The following EVC variants were observed in gnomAD, a reference collection of about 807,000 sequenced individuals.
The protein encoded by EVC is evC complex member EVC.
In EVC, 116 loss-of-function variants were observed where a neutral mutation model predicts 118.9. The ratio of observed to expected loss-of-function variants is 0.98; its 90% CI spans 0.84 to 1.14. The LOEUF is 1.14. Among genes scored for constraint, EVC ranks in the 50% most tolerant of loss-of-function variants. EVC has a pLI of 0.00. For synonymous variants in EVC, 619 were observed against 534.7 expected, an observed-to-expected ratio of 1.16 and a Z score of -2.18; for missense variants, 1,401 against 1,246.4, an observed-to-expected ratio of 1.12 and a Z score of -1.87.
chr4:5,794,344 TA>T (rs72062281), intron 13 of EVC, among the ~76,000 whole-genome samples: 37,083 of 124,472 alleles, frequency 0.3, 5,893 homozygotes, highest in South Asian at 0.54. Flanking sequence ...TTTATATACT[TA>T]TATATATATT....
intron 2 of EVC, among the ~76,000 whole-genome samples, chr4:5,725,418 G>A (rs184791262): frequency 1.1e-4 from 16 of 152,216 alleles, no homozygotes; most frequent in African/African-American, 3.9e-4. Context: ...TCACCATTCT[G>A]ACTGGCATGA....
intron 1 of EVC, among the ~76,000 whole-genome samples, chr4:5,718,701 G>T (rs1724400306): frequency 6.6e-6 from 1 of 152,048 alleles, no homozygotes; most frequent in Admixed American, 6.6e-5. Flanking sequence ...TGGTTTGGGG[G>T]TTCTAAATAA....
At chr4:5,826,123 TACAC>T in the EVC span, 157 of 189,954 alleles carry the variant, frequency 8.3e-4, 1 homozygote, top group African/African-American at 3.4e-3. Flanking sequence ...TATATACACT[TACAC>T]ACACGCATAC....
chr4:5,820,858 T>TAAGTA, the EVC span: 1 of 152,214 alleles, frequency 6.6e-6, no homozygotes, highest in Non-Finnish European at 1.5e-5. Context: ...AGTTGGTTGT[T>TAAGTA]AAGTAAAAAT....
chr4:5,787,326 G>C (rs942526164), intron 12 of EVC, among the ~76,000 whole-genome samples: 1 of 152,220 alleles, frequency 6.6e-6, no homozygotes, highest in African/African-American at 2.4e-5. Flanking sequence ...AAATCTTTGC[G>C]AATGTGATTA....
intron 2 of EVC, among the ~76,000 whole-genome samples, chr4:5,725,939 T>C (rs1302108348): frequency 6.6e-6 from 1 of 152,212 alleles, no homozygotes; most frequent in Non-Finnish European, 1.5e-5. Flanking sequence ...CAAGTCTTTT[T>C]GTGAGTTGTA....
chr4:5,767,101 G>A (rs1400718020), intron 11 of EVC, among the ~76,000 whole-genome samples: 5 of 150,952 alleles, frequency 3.3e-5, no homozygotes, highest in African/African-American at 4.9e-5. Context: ...CTTTCTGTTT[G>A]TTAGTTTTCC....
chr4:5,781,618 T>C (rs753601323), intron 11 of EVC, among the ~76,000 whole-genome samples: 3 of 152,046 alleles, frequency 2.0e-5, no homozygotes, highest in Non-Finnish European at 4.4e-5. Flanking sequence ...AGGCAGATCA[T>C]TTGAGCTCAG....
chr4:5,756,374 C>T lies in EVC; in HGVS notation c.1563+12C>T. Reference sequence around the variant, plus strand: ...TTGCACTCTGCCAGGTACATGGCCTCTGTGGGGACCAGCAGAGAAGCCCCA... The same window carrying T: ...TTGCACTCTGCCAGGTACATGGCCTTTGTGGGGACCAGCAGAGAAGCCCCA... On this transcript the variant is annotated intron_variant, in intron 11 of 20. Transcript: ENST00000264956. This position sits in a 1 kb window ranked among gnomAD's most constrained non-coding sequence, Gnocchi z 4.2. 6.3e-7 allele frequency: 1 copy of T among 1,597,062 alleles called. No homozygotes were observed. Among genetic ancestry groups the T allele is most frequent in the Non-Finnish European group, 8.5e-7 (1 of 1,170,122 alleles).
chr4:5,808,193 C>A lies in EVC; in HGVS notation c.2562-8C>A, dbSNP rs778595181. ...TCCCTGCCAGCCTGCCTGCCTTCCT[C>A]CCCCCAGGATGCTGTCCCAGCAGAA... On this transcript the variant is annotated splice_polypyrimidine_tract_variant and splice_region_variant and intron_variant, in intron 17 of 20. Transcript: ENST00000264956. 1.3e-6 allele frequency: 2 copies of A among 1,505,212 alleles called. No individual in the cohort carries two copies. The highest frequency in any genetic ancestry group is 1.1e-5 in the South Asian group (1 of 88,106). 93.2% of individuals were successfully genotyped at this position (1,505,212 alleles called of 1,614,324 possible).
intron 9 of EVC, among the ~76,000 whole-genome samples, chr4:5,753,442 A>C (rs1730702434): frequency 6.6e-6 from 1 of 151,876 alleles, no homozygotes; most frequent in South Asian, 2.1e-4. Flanking sequence ...TGCTGGAGTC[A>C]TGTGGCCCTG....
intron 12 of EVC, among the ~76,000 whole-genome samples, chr4:5,792,056 G>C (rs1430054655): frequency 6.6e-6 from 1 of 152,130 alleles, no homozygotes; most frequent in South Asian, 2.1e-4. Context: ...AGAGAAAAAA[G>C]TATTCCAAAA....
chr4:5,711,494 C>G lies in EVC; in HGVS notation c.114C>G (p.Leu38=), dbSNP rs1167442380. The G allele has an allele frequency of 4.4e-6, 5 of 1,128,036 alleles. No homozygotes were observed. Among genetic ancestry groups the G allele is most frequent in the Non-Finnish European group, 4.3e-6 (4 of 922,870 alleles). 69.9% of individuals were successfully genotyped at this position (1,128,036 alleles called of 1,614,324 possible). A position where few individuals can be genotyped will look rare whatever the true frequency, so the allele number is the denominator to read the frequency against. The change falls in exon 1 of 21, where the codon CTC becomes CTG. Residue 38 remains leucine (L), a synonymous_variant. Coordinates refer to ENST00000264956, the MANE Select transcript of EVC (RefSeq NM_153717.3). ...LAPAVLLGAA[L]GLGLGLWLGC... ...CCGCCGTGCTGCTGGGCGCCGCGCTCGGCCTCGGCCTCGGCCTTTGGCTTG... is the reference window on the plus strand; with the variant it reads ...CCGCCGTGCTGCTGGGCGCCGCGCTGGGCCTCGGCCTCGGCCTTTGGCTTG...
At position 5,809,451 on chromosome 4, in the gene EVC, C is replaced by T. The variant is rs779059019; in HGVS notation, c.2689-67C>T. ...AGCCTCAAGTGTCAGAATTCACTCA[C>T]GTGGAGAGGGATTTAGAGAAGTCAG... On this transcript the variant is annotated intron_variant, in intron 18 of 20. Transcript: ENST00000264956. 1.2e-5 allele frequency: 17 copies of T among 1,398,394 alleles called. No individual in the cohort carries two copies. In the Admixed American group the frequency reaches 1.7e-4, roughly 14 times the overall value. 86.6% of individuals were successfully genotyped at this position (1,398,394 alleles called of 1,614,324 possible).
chr4:5,713,449 G>A (rs746133080), intron 1 of EVC, among the ~76,000 whole-genome samples: 9 of 152,106 alleles, frequency 5.9e-5, no homozygotes, highest in Non-Finnish European at 8.8e-5. Context: ...AGGCCAAGGC[G>A]AGCTGTTCAA....
intron 11 of EVC, among the ~76,000 whole-genome samples, chr4:5,778,293 A>T (rs1335131305): frequency 3.9e-5 from 6 of 152,012 alleles, no homozygotes; most frequent in Admixed American, 2.6e-4. Flanking sequence ...GTGCCGCAGT[A>T]AACATACGTG....
chr4:5,820,755 C>T, the EVC span: 2 of 152,174 alleles, frequency 1.3e-5, no homozygotes, highest in East Asian at 1.9e-4. Context: ...CCAGACACCA[C>T]CACTGAAATG....
chr4:5,793,016 C>CT (rs36032723), intron 12 of EVC, among the ~76,000 whole-genome samples: 1 of 152,056 alleles, frequency 6.6e-6, no homozygotes, highest in Admixed American at 6.5e-5. Flanking sequence ...TCCAAAGAGT[C>CT]TTTTTTCCCC....
intron 4 of EVC, among the ~76,000 whole-genome samples, chr4:5,733,091 TC>T (rs1266617804): frequency 6.6e-6 from 1 of 152,178 alleles, no homozygotes; most frequent in Non-Finnish European, 1.5e-5. Context: ...CTTCCCTCTC[TC>T]CATTGGTTTT....
Sources: gnomAD v4.1 joint callset for allele counts (sites outside exome capture counted in the v4.1 genomes callset) on GRCh38, gnomAD v4.1.1 for gene constraint, Gnocchi (gnomAD v3.1) non-coding constraint, MANE v1.5 for transcripts, NCBI Gene and HGNC (gene_info 2026-07-23, HGNC 2026-07-21) for gene names.